Variants in AK8 observed in about 807,000 individuals in gnomAD.
The protein encoded by AK8 is adenylate kinase 8, also known as ATP-AMP transphosphorylase 8.
In AK8, 44 loss-of-function variants were observed where a neutral mutation model predicts 54.6. The ratio of observed to expected loss-of-function variants is 0.81; its 90% CI spans 0.63 to 1.04. The LOEUF (loss-of-function observed/expected upper bound fraction) is 1.04. Ranked by LOEUF, AK8 falls within the 50% of genes least tolerant of loss-of-function variation. The probability of loss-of-function intolerance (pLI) is 0.00; values close to 1 mark genes in which losing one functional copy is unlikely to be tolerated. For missense variants in AK8, 555 were observed against 613.6 expected, an observed-to-expected ratio of 0.90 and a Z score of 1.01; for synonymous variants, 239 against 245.6, an observed-to-expected ratio of 0.97 and a Z score of 0.25.
chr9:132,873,734 G>C (rs971167548), intron 2 of AK8, among the ~76,000 whole-genome samples: 1 of 152,136 alleles, frequency 6.6e-6, no homozygotes, highest in East Asian at 1.9e-4. Flanking sequence ...CCTCAGGGTG[G>C]GGGCAGGGGG....
intron 3 of AK8, 65 bp from the exon 4 acceptor site, chr9:132,863,843 A>G (rs547258936): frequency 9.0e-5 from 108 of 1,200,926 alleles, no homozygotes; most frequent in Middle Eastern, 4.4e-4. Flanking sequence ...TGACTCTATT[A>G]AAATGCCCTG....
intron 5 of AK8, among the ~76,000 whole-genome samples, chr9:132,846,986 C>T (rs897953845): frequency 4.6e-5 from 7 of 152,216 alleles, no homozygotes; most frequent in Admixed American, 1.3e-4. Context: ...TGGCTTCTCC[C>T]GGGCCGAGAT....
At chr9:132,728,473 A>G (rs1003052552) in intron 11 of AK8, among the ~76,000 whole-genome samples, 1 of 152,184 alleles carries the variant, frequency 6.6e-6, no homozygotes, top group Non-Finnish European at 1.5e-5. Context: ...AGTTACCCCA[A>G]CTACAAAATG....
chr9:132,762,539 T>C (rs1838529993), intron 11 of AK8, among the ~76,000 whole-genome samples: 1 of 152,130 alleles, frequency 6.6e-6, no homozygotes, highest in Non-Finnish European at 1.5e-5. Context: ...AACAACTATA[T>C]TTAAATGAAA....
intron 9 of AK8, among the ~76,000 whole-genome samples, chr9:132,821,655 T>C (rs10901215): frequency 0.76 from 112,363 of 148,568 alleles, 42,774 homozygotes; most frequent in South Asian, 0.87. Context: ...AAAACTTGAT[T>C]CTTCTGGGGT....
At chr9:132,774,578 C>T (rs944738487) in intron 11 of AK8, among the ~76,000 whole-genome samples, 15 of 152,032 alleles carry the variant, frequency 9.9e-5, no homozygotes, top group African/African-American at 3.1e-4. Context: ...CCCGAAGTCC[C>T]CTATGGGTAA....
At chr9:132,810,403 G>A (rs758190018) in intron 10 of AK8, among the ~76,000 whole-genome samples, 4 of 152,144 alleles carry the variant, frequency 2.6e-5, no homozygotes, top group African/African-American at 7.2e-5. Context: ...ACGACTCTGC[G>A]CCTGGACCAC....
chr9:132,864,227 TA>T (rs1843501839), intron 3 of AK8, among the ~76,000 whole-genome samples: 1 of 152,222 alleles, frequency 6.6e-6, no homozygotes, highest in South Asian at 2.1e-4. Flanking sequence ...CATTGATAAT[TA>T]CTCTATAGTC....
At chr9:132,772,435 C>T (rs1242953863) in intron 11 of AK8, among the ~76,000 whole-genome samples, 1 of 152,174 alleles carries the variant, frequency 6.6e-6, no homozygotes, top group Non-Finnish European at 1.5e-5. Context: ...TGGAGTCCTT[C>T]TAAGAGGAGG....
At position 132,743,636 on chromosome 9, in the gene AK8, C is replaced by T. The variant is rs79174891; in HGVS notation, c.1122-16102G>A. Among the ~76,000 whole-genome samples the T allele has an allele frequency of 4.1e-3, 630 of 152,344 alleles. 4 individuals are homozygous for T. Among genetic ancestry groups the T allele is most frequent in the African/African-American group, 0.014 (582 of 41,574 alleles). ...GCTTTTCCATGAATCCCTCTGTCTA[C>T]AAGTGTTTTACTTCTTGGTTTTAAT... On this transcript the variant is annotated intron_variant, in intron 11 of 12. Coordinates refer to ENST00000298545, the MANE Select transcript of AK8 (RefSeq NM_152572.3).
At chr9:132,750,632 A>T (rs1210167400) in intron 11 of AK8, among the ~76,000 whole-genome samples, 2 of 151,790 alleles carry the variant, frequency 1.3e-5, no homozygotes, top group Non-Finnish European at 2.9e-5. Context: ...GGACTAGCAA[A>T]GATAAGGGTT....
At position 132,827,994 on chromosome 9, in the gene AK8, GGGGTGGCCGTAGCCATACCTCCAGTTTGA is replaced by G. The variant is rs768146247; in HGVS notation, c.546_556+18del. 1.0e-5 allele frequency: 16 copies of G among 1,555,668 alleles called. No individual in the cohort carries two copies. In the South Asian group the frequency reaches 1.8e-4, roughly 17 times the overall value. ...CTCTGAAACCCCATGGGGCTGGGTG[GGGGTGGCCGTAGCCATACCTCCAGTTTGA>G]GGGTCGATTCTCTTCCCCAAGTTTC... On this transcript the variant is annotated splice_donor_variant and splice_donor_5th_base_variant and coding_sequence_variant and intron_variant, in exon 7 of 13. Transcript: ENST00000298545. LOFTEE classifies it high-confidence loss of function.
intron 5 of AK8, among the ~76,000 whole-genome samples, chr9:132,841,328 C>T (rs750641675): frequency 1.3e-5 from 2 of 152,210 alleles, no homozygotes; most frequent in Non-Finnish European, 2.9e-5. Flanking sequence ...ATTCCCGGTG[C>T]GTGAAGGCCT....
intron 11 of AK8, among the ~76,000 whole-genome samples, chr9:132,759,195 C>CAAA (rs11354456): frequency 8.5e-5 from 7 of 82,762 alleles, no homozygotes; most frequent in South Asian, 4.1e-4. Flanking sequence ...GACCTGGTCT[C>CAAA]AAAAAAAAAA....
In AK8 at chr9:132,865,910, AC is replaced by A. The variant is rs1441346551; in HGVS notation, c.219+993del. On this transcript the variant is annotated intron_variant, in intron 3 of 12. Transcript: ENST00000298545. The stretch of plus-strand genomic sequence containing the variant: ...ACACATTTTTGGTACTTAAAAATGG[AC>A]CTTAGGCTGGGCGTGGTGGCTCACG... Among the ~76,000 whole-genome samples, 4 of 152,292 alleles carry A rather than the reference AC, an allele frequency of 2.6e-5. 1 individual carries two copies.
Position 132,748,759 on chromosome 9 carries a change from C to T in AK8, c.1122-21225G>A, listed in dbSNP as rs530240221. 2.6e-5 allele frequency among the ~76,000 whole-genome samples: 4 copies of T among 151,924 alleles called. No homozygotes were observed. The East Asian group carries it at 5.8e-4, about 22-fold the overall frequency. ...TACTATGAAAAGACCAGTTTGCAAT[C>T]GGCAAAGGGATGAGATCCACAAGTT... On this transcript the variant is annotated intron_variant, in intron 11 of 12. Transcript: ENST00000298545.
intron 1 of AK8, among the ~76,000 whole-genome samples, chr9:132,875,576 C>T (rs1284087622): frequency 6.6e-6 from 1 of 152,252 alleles, no homozygotes; most frequent in East Asian, 1.9e-4. Flanking sequence ...TTGGAAGCTT[C>T]TGCCTTGTCC....
At chr9:132,823,066 A>G (rs1841714913) in intron 9 of AK8, 139 bp downstream of exon 9, 1 of 1,238,086 alleles carries the variant, frequency 8.1e-7, no homozygotes, top group African/African-American at 1.6e-5. Flanking sequence ...AAAATGGTTA[A>G]GAACAAAGAG....
chr9:132,878,616 T>G, upstream of AK8: 1 of 1,064,308 alleles, frequency 9.4e-7, no homozygotes, highest in Non-Finnish European at 1.1e-6. This position sits in a 1 kb window ranked among gnomAD's most constrained non-coding sequence, Gnocchi z 4.7. Flanking sequence ...CTGTCAGTGC[T>G]CCCCGGCCCG....
Sources: allele counts gnomAD v4.1 joint callset (sites outside exome capture counted in the v4.1 genomes callset), GRCh38; gene constraint gnomAD v4.1.1; non-coding constraint Gnocchi (gnomAD v3.1); transcripts MANE v1.5; gene names NCBI Gene and HGNC (gene_info 2026-07-23, HGNC 2026-07-21).